The following LDAH variants were observed in gnomAD, a reference collection of about 807,000 sequenced individuals.
The protein encoded by LDAH is lipid droplet associated hydrolase.
In LDAH, 26 loss-of-function variants were observed where a neutral mutation model predicts 29.6. The ratio of observed to expected loss-of-function variants is 0.88; its 90% CI spans 0.64 to 1.22. LDAH has a LOEUF of 1.22. Among genes scored for constraint, LDAH ranks in the 50% most tolerant of loss-of-function variants. LDAH has a pLI of 0.00. For synonymous variants in LDAH, 117 were observed against 133.0 expected, an observed-to-expected ratio of 0.88 and a Z score of 0.83; for missense variants, 344 against 387.3, an observed-to-expected ratio of 0.89 and a Z score of 0.94.
At chr2:20,771,745 A>G (rs893405273) in intron 4 of LDAH, among the ~76,000 whole-genome samples, 1 of 151,956 alleles carries the variant, frequency 6.6e-6, no homozygotes, top group Non-Finnish European at 1.5e-5. Flanking sequence ...CCTACCCCCC[A>G]AAAGAGGTGA....
chr2:20,781,620 C>G (rs1249931480), intron 3 of LDAH, among the ~76,000 whole-genome samples: 1 of 152,198 alleles, frequency 6.6e-6, no homozygotes. Context: ...GGGGGCTGGT[C>G]CAAGGCCCAG....
intron 3 of LDAH, among the ~76,000 whole-genome samples, chr2:20,787,554 A>G (rs961313814): frequency 2.0e-5 from 3 of 152,144 alleles, no homozygotes; most frequent in Non-Finnish European, 2.9e-5. Flanking sequence ...TTGGCCTCCC[A>G]AAGTGCTGGG....
intron 6 of LDAH, among the ~76,000 whole-genome samples, chr2:20,700,176 G>A (rs1242166627): frequency 1.3e-5 from 2 of 152,104 alleles, no homozygotes; most frequent in African/African-American, 2.4e-5. Flanking sequence ...TTTTCACATC[G>A]CTCAGTGACT....
At chr2:20,814,129 C>G (rs951039071) in intron 1 of LDAH, among the ~76,000 whole-genome samples, 1 of 151,852 alleles carries the variant, frequency 6.6e-6, no homozygotes, top group Non-Finnish European at 1.5e-5. Flanking sequence ...ATCTTTTCCC[C>G]CACTAAATTA....
intron 2 of LDAH, among the ~76,000 whole-genome samples, chr2:20,794,434 G>A (rs1671178546): frequency 6.6e-6 from 1 of 151,854 alleles, no homozygotes; most frequent in East Asian, 1.9e-4. Context: ...TAAAGACATT[G>A]CAAAAAGAAA....
intron 3 of LDAH, among the ~76,000 whole-genome samples, chr2:20,786,961 A>G (rs768092194): frequency 3.3e-5 from 5 of 152,222 alleles, no homozygotes; most frequent in Non-Finnish European, 5.9e-5. Flanking sequence ...ACAAAAAACC[A>G]TAGAGGACAT....
intron 1 of LDAH, among the ~76,000 whole-genome samples, chr2:20,808,900 A>C (rs890497150): frequency 7.2e-5 from 11 of 152,234 alleles, no homozygotes; most frequent in Non-Finnish European, 1.0e-4. Flanking sequence ...ATGCTGGTTC[A>C]ACTGGATATC....
chr2:20,764,831 T>C (rs1253695474), intron 4 of LDAH, among the ~76,000 whole-genome samples: 2 of 152,208 alleles, frequency 1.3e-5, no homozygotes, highest in African/African-American at 4.8e-5. Flanking sequence ...TACTTTCTAC[T>C]AGTTGACATA....
rs148363149 is a variant in LDAH at position 20,807,235 on chromosome 2, A to C, written c.-2-5770T>G. On this transcript the variant is annotated intron_variant, in intron 1 of 6. Coordinates refer to ENST00000237822, the MANE Select transcript of LDAH (RefSeq NM_021925.4). ...ATACAAAAAGAAAACAGACTAGAAG[A>C]CTCTTAATAAACTTATATTTTAAGA... Among the ~76,000 whole-genome samples the C allele has an allele frequency of 2.3e-3, 354 of 152,152 alleles. 2 individuals are homozygous for C. The highest frequency in any genetic ancestry group is 8.3e-3 in the African/African-American group (344 of 41,568).
At chr2:20,819,576 T>G (rs1173240679) in intron 1 of LDAH, among the ~76,000 whole-genome samples, 3 of 152,204 alleles carry the variant, frequency 2.0e-5, no homozygotes, top group Non-Finnish European at 4.4e-5. Flanking sequence ...CAGCTCTTCA[T>G]GCTAAAAACT....
intron 4 of LDAH, among the ~76,000 whole-genome samples, chr2:20,752,974 C>T (rs531913664): frequency 2.1e-4 from 7 of 33,260 alleles, no homozygotes; most frequent in African/African-American, 4.8e-4. Flanking sequence ...GAGAAAACAA[C>T]GACAACAACA....
At chr2:20,692,038 C>T (rs115107147) in intron 6 of LDAH, among the ~76,000 whole-genome samples, 1 of 152,126 alleles carries the variant, frequency 6.6e-6, no homozygotes, top group African/African-American at 2.4e-5. Flanking sequence ...GGTCTACAAA[C>T]AGCACTGTTG....
At chr2:20,753,171 T>G (rs1668084551) in intron 4 of LDAH, among the ~76,000 whole-genome samples, 1 of 152,256 alleles carries the variant, frequency 6.6e-6, no homozygotes, top group Non-Finnish European at 1.5e-5. Context: ...GCTACTTCTC[T>G]GTGACTATTA....
At chr2:20,804,272 A>G (rs1671917052) in intron 1 of LDAH, among the ~76,000 whole-genome samples, 1 of 152,214 alleles carries the variant, frequency 6.6e-6, no homozygotes, top group South Asian at 2.1e-4. Flanking sequence ...AATTCCACAC[A>G]TTGATGGTAA....
At chr2:20,790,930 A>T (rs1364353995) in intron 2 of LDAH, among the ~76,000 whole-genome samples, 2 of 152,212 alleles carry the variant, frequency 1.3e-5, no homozygotes, top group African/African-American at 4.8e-5. Context: ...AAAACATTCA[A>T]TCTGATAGAT....
Position 20,686,226 on chromosome 2 carries a change from G to A in LDAH, c.*677C>T, listed in dbSNP as rs547274465. On this transcript the variant is annotated 3_prime_UTR_variant, in exon 7 of 7. Transcript: ENST00000237822. Reference sequence around the variant, plus strand: ...GAACTTGCTGGTTGTCCTGTGGCAGGAGGCACAGTTGGGGTCCTTCAACAA... The same window carrying A: ...GAACTTGCTGGTTGTCCTGTGGCAGAAGGCACAGTTGGGGTCCTTCAACAA... The A allele has an allele frequency of 6.5e-6, 1 of 153,194 alleles. No individual in the cohort carries two copies. Among genetic ancestry groups the A allele is most frequent in the East Asian group, 1.9e-4 (1 of 5,186 alleles). The allele number at this position is 153,194 out of a possible 1,614,324, so 9.5% of individuals were successfully genotyped here. A position where few individuals can be genotyped will look rare whatever the true frequency, so the allele number is the denominator to read the frequency against.
intron 4 of LDAH, among the ~76,000 whole-genome samples, chr2:20,746,773 A>G (rs189180996): frequency 1.3e-5 from 2 of 152,118 alleles, no homozygotes; most frequent in East Asian, 3.9e-4. Context: ...ACGACCAAAC[A>G]TTTTCTTATG....
intron 4 of LDAH, among the ~76,000 whole-genome samples, chr2:20,744,220 CAG>C (rs1246712562): frequency 8.8e-6 from 1 of 113,010 alleles, no homozygotes; most frequent in Non-Finnish European, 1.8e-5. Context: ...CTATTCTCCT[CAG>C]ATTTTTTTTT....
chr2:20,757,606 G>C (rs1668419977), intron 4 of LDAH, among the ~76,000 whole-genome samples: 1 of 152,118 alleles, frequency 6.6e-6, no homozygotes, highest in African/African-American at 2.4e-5. Context: ...CCAGATATTT[G>C]GTCAAACAAT....
Sources: gnomAD v4.1 joint callset for allele counts (sites outside exome capture counted in the v4.1 genomes callset) on GRCh38, gnomAD v4.1.1 for gene constraint, MANE v1.5 for transcripts, NCBI Gene and HGNC (gene_info 2026-07-23, HGNC 2026-07-21) for gene names.